TSHZ2: variants seen among roughly 807,000 people sequenced by gnomAD.
TSHZ2 encodes the protein teashirt homolog 2.
TSHZ2 carries 21 observed loss-of-function variants against 74.4 expected under a neutral mutation model. The ratio of observed to expected loss-of-function variants is 0.28; its 90% CI spans 0.20 to 0.41. The LOEUF is 0.41. TSHZ2 is among the 10% of genes least tolerant of loss of function. TSHZ2 has a pLI of 1.00. For missense variants in TSHZ2, 1,244 were observed against 1,293.5 expected, an observed-to-expected ratio of 0.96 and a Z score of 0.59; for synonymous variants, 540 against 515.3, an observed-to-expected ratio of 1.05 and a Z score of -0.65.
At position 53,253,609 on chromosome 20, in the gene TSHZ2, G is replaced by C. The variant is rs776722470; in HGVS notation, c.151G>C (p.Asp51His). The C allele has an allele frequency of 6.2e-7, 1 of 1,614,180 alleles. No homozygotes were observed. Among genetic ancestry groups the C allele is most frequent in the African/African-American group, 1.3e-5 (1 of 75,038 alleles). ...GCAGGGTGGCAATGACACAGGGACG[G>C]ACGAGGAGCTAGAAACGGGCCCAGA... ...QLQGGNDTGTDEELETGPEQK... is the reference protein window; with the variant it reads ...QLQGGNDTGTHEELETGPEQK... The change falls in exon 2 of 3, where the codon GAC becomes CAC. Residue 51 changes from aspartate (D) to histidine (H), a missense_variant. By Grantham distance (81) the Asp-to-His change is moderately conservative (BLOSUM62 -1). Transcript: ENST00000371497.
chr20:53,029,692 C>T (rs564758350), intron 1 of TSHZ2, among the ~76,000 whole-genome samples: 38 of 152,180 alleles, frequency 2.5e-4, no homozygotes, highest in East Asian at 5.8e-4. Context: ...TTAATAAATA[C>T]GGATAAACCA....
At chr20:53,004,259 T>C (rs1193281843) in intron 1 of TSHZ2, among the ~76,000 whole-genome samples, 1 of 151,930 alleles carries the variant, frequency 6.6e-6, no homozygotes, top group Non-Finnish European at 1.5e-5. Flanking sequence ...GAAATACAAA[T>C]AGGAAAACAC....
At chr20:53,098,673 G>A (rs1307687100) in intron 1 of TSHZ2, among the ~76,000 whole-genome samples, 1 of 152,158 alleles carries the variant, frequency 6.6e-6, no homozygotes, top group Non-Finnish European at 1.5e-5. Flanking sequence ...AGAAATTCAG[G>A]GGGGAATTTC....
chr20:53,484,710 A>G lies in TSHZ2; in HGVS notation c.*9-2434A>G, dbSNP rs571918243. Reference sequence around the variant, plus strand: ...CTTTATCTCTCATTTTTAAAATGAGATTGTTTCAAGAGTTAACAGTAATGT... The same window carrying G: ...CTTTATCTCTCATTTTTAAAATGAGGTTGTTTCAAGAGTTAACAGTAATGT... On this transcript the variant is annotated intron_variant, in intron 2 of 2. Coordinates refer to ENST00000371497, the MANE Select transcript of TSHZ2 (RefSeq NM_173485.6). 5.9e-5 allele frequency among the ~76,000 whole-genome samples: 9 copies of G among 152,220 alleles called. No individual in the cohort carries two copies. In the South Asian group the frequency reaches 1.7e-3, roughly 28 times the overall value.
chr20:52,991,757 A>G (rs1408588561), intron 1 of TSHZ2, among the ~76,000 whole-genome samples: 1 of 147,508 alleles, frequency 6.8e-6, no homozygotes, highest in Admixed American at 6.6e-5. Context: ...TTTCTGATGC[A>G]TGATTTTGTG....
intron 1 of TSHZ2, among the ~76,000 whole-genome samples, chr20:52,985,336 T>A (rs945384800): frequency 6.6e-6 from 1 of 152,156 alleles, no homozygotes; most frequent in South Asian, 2.1e-4. Context: ...TTAATTGAGA[T>A]AAACCAGATA....
intron 2 of TSHZ2, among the ~76,000 whole-genome samples, chr20:53,396,283 G>A (rs1376427117): frequency 6.6e-6 from 1 of 152,184 alleles, no homozygotes; most frequent in African/African-American, 2.4e-5. Context: ...CAGCTCACAT[G>A]TACGTATCGT....
At chr20:53,196,608 A>T (rs1366566010) in intron 1 of TSHZ2, 1 of 152,212 alleles carries the variant, frequency 6.6e-6, no homozygotes, top group African/African-American at 2.4e-5. Flanking sequence ...CATTACTATG[A>T]TACCTTGTTT....
chr20:53,245,688 G>A (rs1252993515), intron 1 of TSHZ2, among the ~76,000 whole-genome samples: 1 of 152,174 alleles, frequency 6.6e-6, no homozygotes, highest in Non-Finnish European at 1.5e-5. Flanking sequence ...TTTCTAACAA[G>A]CTCCCAGGTG....
intron 1 of TSHZ2, among the ~76,000 whole-genome samples, chr20:53,179,932 C>A (rs1005875616): frequency 2.6e-5 from 4 of 152,100 alleles, no homozygotes; most frequent in African/African-American, 9.7e-5. Flanking sequence ...GATGGAGTTA[C>A]CCTAGCAACT....
chr20:53,001,959 G>C (rs1024813356), intron 1 of TSHZ2, among the ~76,000 whole-genome samples: 1 of 152,138 alleles, frequency 6.6e-6, no homozygotes, highest in Admixed American at 6.6e-5. Flanking sequence ...AGGCTTAAAG[G>C]AAGTATAAAA....
intron 1 of TSHZ2, among the ~76,000 whole-genome samples, chr20:53,021,221 T>C (rs1983234224): frequency 6.6e-6 from 1 of 152,172 alleles, no homozygotes; most frequent in African/African-American, 2.4e-5. Flanking sequence ...ACTGAATAAC[T>C]GAACCACTTT....
intron 1 of TSHZ2, chr20:53,196,366 T>TAAAAAAAAAAAAAAAAAAAAAAAA (rs34385917): frequency 4.6e-5 from 5 of 109,676 alleles, no homozygotes; most frequent in African/African-American, 1.6e-4. Context: ...AATCTGCTGC[T>TAAAAAAAAAAAAAAAAAAAAAAAA]AAAAAAAAAA....
At chr20:53,354,809 A>G (rs897819468) in intron 2 of TSHZ2, among the ~76,000 whole-genome samples, 2 of 152,228 alleles carry the variant, frequency 1.3e-5, no homozygotes, top group Non-Finnish European at 2.9e-5. Flanking sequence ...ATGATATACA[A>G]TTAATTGTAA....
At chr20:53,239,775 T>C (rs1321820681) in intron 1 of TSHZ2, among the ~76,000 whole-genome samples, 1 of 152,146 alleles carries the variant, frequency 6.6e-6, no homozygotes, top group Non-Finnish European at 1.5e-5. Flanking sequence ...GCTATCATAA[T>C]TGTTAGGGAC....
At chr20:53,155,634 T>G (rs1363362125) in intron 1 of TSHZ2, among the ~76,000 whole-genome samples, 1 of 152,004 alleles carries the variant, frequency 6.6e-6, no homozygotes, top group African/African-American at 2.4e-5. Context: ...CACAATATCT[T>G]CCCACTTTGG....
chr20:52,996,551 GA>G (rs1453836636), intron 1 of TSHZ2, among the ~76,000 whole-genome samples: 3 of 152,126 alleles, frequency 2.0e-5, no homozygotes, highest in Admixed American at 6.6e-5. Flanking sequence ...CGGTTGTTGA[GA>G]AAGAGTTTGT....
At chr20:53,453,459 T>TG (rs1034467358) in intron 2 of TSHZ2, among the ~76,000 whole-genome samples, 2 of 152,228 alleles carry the variant, frequency 1.3e-5, no homozygotes, top group Non-Finnish European at 2.9e-5. Flanking sequence ...TTTCCTAGCT[T>TG]GGGGTCCTTC....
chr20:53,308,547 A>C (rs1978645548), intron 2 of TSHZ2, among the ~76,000 whole-genome samples: 2 of 152,170 alleles, frequency 1.3e-5, no homozygotes. Flanking sequence ...ATCCATGTCG[A>C]ATGCACGTTG....
Sources: gnomAD v4.1 joint callset for allele counts (sites outside exome capture counted in the v4.1 genomes callset) on GRCh38, gnomAD v4.1.1 for gene constraint, MANE v1.5 for transcripts, NCBI Gene and HGNC (gene_info 2026-07-23, HGNC 2026-07-21) for gene names.